TNFSF15: variants seen among roughly 807,000 people sequenced by gnomAD.
The protein encoded by TNFSF15 is tumor necrosis factor ligand superfamily member 15.
Under a neutral mutation model 26.4 loss-of-function variants are expected in TNFSF15, and 15 were observed. The ratio of observed to expected loss-of-function variants is 0.57; its 90% CI spans 0.38 to 0.87. The LOEUF (loss-of-function observed/expected upper bound fraction) is 0.87. TNFSF15 is among the 40% of genes least tolerant of loss of function. The pLI is 0.00. For synonymous variants in TNFSF15, 116 were observed against 115.0 expected (o/e 1.01, Z -0.06); for missense variants, 290 against 306.1 (o/e 0.95, Z 0.39).
At chr9:114,805,682 T>G (rs1829811242) in intron 1 of TNFSF15, 121 bp downstream of exon 1, 2 of 973,322 alleles carry the variant, frequency 2.1e-6, no homozygotes, top group South Asian at 3.4e-5. Flanking sequence ...TTCCTCTGCA[T>G]GTAGAAACAA....
intron 1 of TNFSF15, 85 bp from the exon 2 acceptor site, chr9:114,793,653 A>G (rs1829638629): frequency 1.5e-6 from 2 of 1,333,848 alleles, no homozygotes; most frequent in Admixed American, 1.7e-5. Flanking sequence ...AGGTATGATT[A>G]CAAAGCTTCT....
chr9:114,789,214 G>A lies in TNFSF15; in HGVS notation c.*1238C>T, dbSNP rs1429565414. 1.3e-5 allele frequency: 2 copies of A among 152,240 alleles called. No homozygotes were observed. Among genetic ancestry groups the A allele is most frequent in the Admixed American group, 1.3e-4 (2 of 15,288 alleles). 9.4% of individuals were successfully genotyped at this position (152,240 alleles called of 1,614,324 possible). Reference sequence around the variant, plus strand: ...GGTTTCTTCAGGGAACTAATCAGCTGGCTATCTTCCAGTCAGCTGGCTATC... The same window carrying A: ...GGTTTCTTCAGGGAACTAATCAGCTAGCTATCTTCCAGTCAGCTGGCTATC... On this transcript the variant is annotated 3_prime_UTR_variant, in exon 4 of 4. Transcript: ENST00000374045.
chr9:114,795,151 C>T (rs771912138), intron 1 of TNFSF15, among the ~76,000 whole-genome samples: 3 of 151,580 alleles, frequency 2.0e-5, no homozygotes, highest in Non-Finnish European at 2.9e-5. Context: ...TCACATGTAC[C>T]CCACACGTAT....
chr9:114,801,309 C>A (rs984793492), intron 1 of TNFSF15, among the ~76,000 whole-genome samples: 6 of 152,160 alleles, frequency 3.9e-5, no homozygotes, highest in African/African-American at 1.4e-4. Flanking sequence ...GTGGAAGATA[C>A]TGTAGGGCCC....
In TNFSF15 at chr9:114,790,805, T is replaced by C. The variant is rs749946059; in HGVS notation, c.403A>G (p.Thr135Ala). The C allele has an allele frequency of 1.2e-5, 20 of 1,614,072 alleles. No individual in the cohort carries two copies. The highest frequency in any genetic ancestry group is 1.7e-5 in the Non-Finnish European group (20 of 1,180,024). ...TCTGGGATCAGCAGGAATTTGTTGG[T>C]ATAGTTCATTCGGTTCTTGGTGAAG... ...LAFTKNRMNY[T>A]NKFLLIPESG... The change falls in exon 4 of 4, where the codon ACC becomes GCC. Residue 135 changes from threonine to alanine, a missense_variant. This residue lies in a region of TNFSF15 where 179 missense variants were observed against 165.9 expected (regional missense o/e 1.08). Coordinates refer to ENST00000374045, the MANE Select transcript of TNFSF15 (RefSeq NM_005118.4).
chr9:114,791,029 G>A, intron 3 of TNFSF15, 123 bp from the exon 4 acceptor site: 1 of 868,994 alleles, frequency 1.2e-6, no homozygotes, highest in East Asian at 2.6e-5. Context: ...GCTAAAAACT[G>A]CTTTGGGGAG....
intron 1 of TNFSF15, among the ~76,000 whole-genome samples, chr9:114,795,023 T>C (rs1829656846): frequency 6.6e-6 from 1 of 152,150 alleles, no homozygotes; most frequent in African/African-American, 2.4e-5. Context: ...CATTACAAAG[T>C]AGCTAGAAGA....
intron 3 of TNFSF15, chr9:114,791,131 TCTGAGA>T (rs914057409): frequency 5.7e-5 from 35 of 609,056 alleles, no homozygotes; most frequent in Non-Finnish European, 9.4e-5. Flanking sequence ...ACTTTGCCTT[TCTGAGA>T]CTGAGTGGTC....
At chr9:114,798,483 T>A (rs1829700994) in intron 1 of TNFSF15, among the ~76,000 whole-genome samples, 1 of 152,076 alleles carries the variant, frequency 6.6e-6, no homozygotes, top group South Asian at 2.1e-4. Flanking sequence ...GAAGAAAGCA[T>A]AAAGAGGAGA....
chr9:114,797,046 A>G (rs1829681007), intron 1 of TNFSF15, among the ~76,000 whole-genome samples: 1 of 152,200 alleles, frequency 6.6e-6, no homozygotes, highest in Non-Finnish European at 1.5e-5. Context: ...AGAATCAGAG[A>G]GATCTTGATT....
At chr9:114,798,454 T>G (rs1344087216) in intron 1 of TNFSF15, among the ~76,000 whole-genome samples, 1 of 152,158 alleles carries the variant, frequency 6.6e-6, no homozygotes, top group African/African-American at 2.4e-5. Context: ...GGAATTACTT[T>G]AATTATTTAA....
At position 114,788,766 on chromosome 9, in the gene TNFSF15, T is replaced by A. The variant is rs1434705481; in HGVS notation, c.*1686A>T. 6.6e-6 allele frequency: 1 copy of A among 152,194 alleles called. No homozygotes were observed. Among genetic ancestry groups the A allele is most frequent in the Non-Finnish European group, 1.5e-5 (1 of 68,030 alleles). The allele number at this position is 152,194 out of a possible 1,614,324, so 9.4% of individuals were successfully genotyped here. ...ACATCTTTCATTCTCATGAGCTCAT[T>A]TGCTCCTTGGAAACAAATGGGCAGA... On this transcript the variant is annotated 3_prime_UTR_variant, in exon 4 of 4. Transcript: ENST00000374045.
At chr9:114,795,884 T>A (rs920683900) in intron 1 of TNFSF15, among the ~76,000 whole-genome samples, 1 of 152,192 alleles carries the variant, frequency 6.6e-6, no homozygotes, top group South Asian at 2.1e-4. Flanking sequence ...TGAGTCTAGG[T>A]CTGTGAGCAG....
At position 114,799,221 on chromosome 9, in the gene TNFSF15, T is replaced by C. The variant is rs78090220; in HGVS notation, c.211-5653A>G. Among the ~76,000 whole-genome samples, 273 of 152,364 alleles carry C rather than the reference T, an allele frequency of 1.8e-3. 4 individuals are homozygous for C. The East Asian group carries it at 0.029, about 16-fold the overall frequency. ...GCTCCATTATTTCCTGGTGCTCTGA[T>C]TGTGGCATGTCACTTGACCTCAATG... On this transcript the variant is annotated intron_variant, in intron 1 of 3. Coordinates refer to ENST00000374045, the MANE Select transcript of TNFSF15 (RefSeq NM_005118.4).
In TNFSF15 at chr9:114,793,465, A is replaced by G. The variant is rs1413605130; in HGVS notation, c.253+61T>C. 4.4e-6 allele frequency: 7 copies of G among 1,579,386 alleles called. No homozygotes were observed. The Admixed American group carries it at 8.3e-5, about 19-fold the overall frequency. ...ACTCATCTCTGAACTTCCTGCATACAGAACTACTAGAAATGTTCTTATTCC... is the reference window on the plus strand; with the variant it reads ...ACTCATCTCTGAACTTCCTGCATACGGAACTACTAGAAATGTTCTTATTCC... On this transcript the variant is annotated intron_variant, in intron 2 of 3. Transcript: ENST00000374045.
At position 114,785,540 on chromosome 9, in the gene TNFSF15, C is replaced by A. The variant is rs1829486359; in HGVS notation, c.*4912G>T. 1.3e-5 allele frequency: 2 copies of A among 152,250 alleles called. No individual in the cohort carries two copies. Among genetic ancestry groups the A allele is most frequent in the African/African-American group, 4.8e-5 (2 of 41,458 alleles). 9.4% of individuals were successfully genotyped at this position (152,250 alleles called of 1,614,324 possible). The stretch of plus-strand genomic sequence containing the variant: ...AGATCCTTTGGCTTAATCTCTCCCC[C>A]AACCTCTGTGAAGAATAGCTTCTAC... On this transcript the variant is annotated 3_prime_UTR_variant, in exon 4 of 4. Coordinates refer to ENST00000374045, the MANE Select transcript of TNFSF15 (RefSeq NM_005118.4).
intron 1 of TNFSF15, 22 bp downstream of exon 1, chr9:114,805,781 G>T (rs1413402867): frequency 1.2e-6 from 2 of 1,610,068 alleles, no homozygotes; most frequent in Non-Finnish European, 1.7e-6. Context: ...CCTCCCCAAG[G>T]TCAGAGTGCC....
At chr9:114,792,560 C>T (rs1223616537) in intron 2 of TNFSF15, 106 bp from the exon 3 acceptor site, 3 of 1,573,012 alleles carry the variant, frequency 1.9e-6, no homozygotes, top group Non-Finnish European at 2.6e-6. Context: ...AAACCTTGAT[C>T]TCCTCCAGCT....
intron 2 of TNFSF15, among the ~76,000 whole-genome samples, chr9:114,793,047 ATAT>A (rs1162799313): frequency 6.6e-6 from 1 of 152,200 alleles, no homozygotes; most frequent in African/African-American, 2.4e-5. Flanking sequence ...GTTCTCAGAA[ATAT>A]TATGTTGGAT....
Sources: allele counts gnomAD v4.1 joint callset (sites outside exome capture counted in the v4.1 genomes callset), GRCh38; gene constraint gnomAD v4.1.1; regional missense constraint gnomAD v4.1.1; transcripts MANE v1.5; gene names NCBI Gene and HGNC (gene_info 2026-07-23, HGNC 2026-07-21).